Variants in ZNF418 observed in about 807,000 individuals in gnomAD.
ZNF418 encodes the protein zinc finger protein 418.
ZNF418 carries 32 observed loss-of-function variants against 32.0 expected under a neutral mutation model. The observed-to-expected ratio is 1.00, with a 90% CI of 0.75 to 1.34. The LOEUF (loss-of-function observed/expected upper bound fraction) is 1.34. ZNF418 is among the 40% of genes most tolerant of loss of function. The probability of loss-of-function intolerance (pLI) is 0.00; values close to 1 mark genes in which losing one functional copy is unlikely to be tolerated. For missense variants in ZNF418, 804 were observed against 812.5 expected (o/e 0.99, Z 0.13); for synonymous variants, 276 against 270.7 (o/e 1.02, Z -0.19).
intron 1 of ZNF418, among the ~76,000 whole-genome samples, chr19:57,934,567 A>G (rs753556730): frequency 5.9e-5 from 9 of 152,180 alleles, no homozygotes; most frequent in Admixed American, 1.3e-4. Context: ...CTGAGGGGAA[A>G]GCAGACGTTA....
Position 57,927,987 on chromosome 19 carries a change from C to T in ZNF418, c.194G>A (p.Arg65Lys). The change falls in exon 4 of 6, where the codon AGA (arginine) becomes AAA (lysine). Residue 65 changes from arginine to lysine, a missense_variant. Physicochemically the swap from Arg to Lys is conservative, Grantham distance 26. Coordinates refer to ENST00000396147, the MANE Select transcript of ZNF418 (RefSeq NM_133460.3). ...CCCAGGAGTGCTGACCTGAGACACT[C>T]TTTGTATAGAAATGCTCTTCTTAGA... ...APSKKSISIQ[R>K]VSQVSTPGAG... 4 of 1,597,654 alleles carry T rather than the reference C, an allele frequency of 2.5e-6. No individual in the cohort carries two copies. The highest frequency in any genetic ancestry group is 3.4e-6 in the Non-Finnish European group (4 of 1,169,642).
rs2072027826 is a variant in ZNF418, at chr19:57,922,365, A to G, written c.*890T>C. The G allele has an allele frequency of 1.0e-5, 4 of 390,330 alleles. No individual in the cohort carries two copies. The highest frequency in any genetic ancestry group is 1.4e-4 in the South Asian group (1 of 6,930). 24.2% of individuals were successfully genotyped at this position (390,330 alleles called of 1,614,324 possible). The stretch of plus-strand genomic sequence containing the variant: ...AATGTTAGAAAATGGGCCACACTTT[A>G]CAAATTGAGATTATGTCTCCAGTTA... On this transcript the variant is annotated 3_prime_UTR_variant, in exon 6 of 6. Coordinates refer to ENST00000396147, the MANE Select transcript of ZNF418 (RefSeq NM_133460.3).
intron 1 of ZNF418, chr19:57,934,804 A>ATCCC (rs2072627370): frequency 2.0e-5 from 6 of 293,786 alleles, no homozygotes; most frequent in Non-Finnish European, 3.1e-5. Flanking sequence ...CTTGGATCGC[A>ATCCC]TCCCTCCTTT....
At chr19:57,922,909 A>G (rs185474048) in intron 5 of ZNF418, among the ~76,000 whole-genome samples, 1 of 149,768 alleles carries the variant, frequency 6.7e-6, no homozygotes, top group Non-Finnish European at 1.5e-5. Flanking sequence ...CTGAGGTGGG[A>G]GGATGACTTG....
At chr19:57,922,689 GT>G in intron 5 of ZNF418, 60 bp from the exon 6 acceptor site, 1 of 398,104 alleles carries the variant, frequency 2.5e-6, no homozygotes, top group Non-Finnish European at 4.4e-6. Context: ...ACACCACTTT[GT>G]TAAATTGCAA....
In ZNF418 at chr19:57,928,048, C is replaced by G. The variant is rs376184892; in HGVS notation, c.134-1G>C. 20 of 1,522,738 alleles carry G rather than the reference C, an allele frequency of 1.3e-5. No homozygotes were observed. The African/African-American group carries it at 2.5e-4, about 19-fold the overall frequency. The allele number at this position is 1,522,738 out of a possible 1,614,324, so 94.3% of individuals were successfully genotyped here. A position where few individuals can be genotyped will look rare whatever the true frequency, so the allele number is the denominator to read the frequency against. On this transcript the variant is annotated splice_acceptor_variant, in intron 3 of 5. Coordinates refer to ENST00000396147, the MANE Select transcript of ZNF418 (RefSeq NM_133460.3). LOFTEE classifies it high-confidence loss of function. ...TCATCTTCTGATCCACACCAACAAC[C>G]TGAAAGCAAGAAAATGCTGATGAAT...
rs558229449 is a variant in ZNF418 at position 57,922,526 on chromosome 19, G to T, written c.*729C>A. Reference sequence around the variant, plus strand: ...CTTGAACCCAAAGAGAGAACATGCAGATCATAATCAGTTCATATTTATAAT... The same window carrying T: ...CTTGAACCCAAAGAGAGAACATGCATATCATAATCAGTTCATATTTATAAT... On this transcript the variant is annotated 3_prime_UTR_variant, in exon 6 of 6. Transcript: ENST00000396147. The T allele has an allele frequency of 2.5e-6, 1 of 398,460 alleles. No homozygotes were observed. The highest frequency in any genetic ancestry group is 1.3e-4 in the South Asian group (1 of 7,854). 24.7% of individuals were successfully genotyped at this position (398,460 alleles called of 1,614,324 possible).
chr19:57,932,594 C>G, intron 2 of ZNF418: 1 of 1,518,916 alleles, frequency 6.6e-7, no homozygotes, highest in South Asian at 1.2e-5. Flanking sequence ...TGACGACTTT[C>G]CTCTGTCCAC....
chr19:57,933,700 G>A (rs775152018), intron 2 of ZNF418, 117 bp downstream of exon 2: 31 of 1,322,788 alleles, frequency 2.3e-5, no homozygotes, highest in African/African-American at 2.9e-5. Flanking sequence ...CAGCCTGGGC[G>A]ATAGAGCGAG....
In ZNF418 at chr19:57,927,231, C is replaced by T. The variant is rs1568544776; in HGVS notation, c.950G>A (p.Gly317Glu). ...VHTGERPYEC[G>E]ECGKSFSQNG... ...TTGACTAAAAGATTTCCCACATTCT[C>T]CACACTCATAAGGTCTTTCTCCAGT... Residue 317 changes from glycine (G) to glutamate (E), a missense_variant, in exon 4 of 6, where the codon GGA becomes GAA. Gly to Glu is a moderately conservative substitution (Grantham distance 98, BLOSUM62 -2). This residue lies in a region of ZNF418 where 475 missense variants were observed against 458.6 expected (regional missense o/e 1.04). Transcript: ENST00000396147. 1 of 1,614,078 alleles carries T rather than the reference C, an allele frequency of 6.2e-7. No individual in the cohort carries two copies. The highest frequency in any genetic ancestry group is 1.1e-5 in the South Asian group (1 of 91,070).
At chr19:57,933,699 C>G (rs2072572018) in intron 2 of ZNF418, 118 bp downstream of exon 2, 3 of 1,317,176 alleles carry the variant, frequency 2.3e-6, no homozygotes. Context: ...CCAGCCTGGG[C>G]GATAGAGCGA....
At chr19:57,934,761 C>A in intron 1 of ZNF418, 1 of 254,260 alleles carries the variant, frequency 3.9e-6, no homozygotes, top group Non-Finnish European at 7.4e-6. Flanking sequence ...CTATGTTCTT[C>A]CTTTGGCCTT....
intron 2 of ZNF418, 104 bp downstream of exon 2, chr19:57,933,713 T>C: frequency 6.9e-7 from 1 of 1,446,776 alleles, no homozygotes; most frequent in Non-Finnish European, 9.7e-7. Context: ...AGAGCGAGAC[T>C]CCCGCTCAAA....
At position 57,927,838 on chromosome 19, in the gene ZNF418, A is replaced by G. The variant is rs780424443; in HGVS notation, c.343T>C (p.Trp115Arg). The change falls in exon 4 of 6, where the codon TGG (tryptophan) becomes CGG (arginine). Residue 115 changes from tryptophan (W) to arginine (R), a missense_variant. Around this residue, in one of 3 missense-constraint regions of ZNF418, gnomAD observed 307 missense variants for 304.9 expected, o/e 1.01. Transcript: ENST00000396147. ...HKQKLHRCEAWGNKLYDSSNR... is the reference protein window; with the variant it reads ...HKQKLHRCEARGNKLYDSSNR... ...GAACTATCATACAATTTATTCCCCC[A>G]TGCCTCACACCTGTGCAGTTTCTGC... 1 of 1,613,876 alleles carries G rather than the reference A, an allele frequency of 6.2e-7. No homozygotes were observed. The highest frequency in any genetic ancestry group is 8.5e-7 in the Non-Finnish European group (1 of 1,179,906).
intron 1 of ZNF418, chr19:57,934,951 G>T: frequency 1.5e-6 from 2 of 1,327,474 alleles, no homozygotes; most frequent in Non-Finnish European, 2.0e-6. Context: ...TCCCGGGTCT[G>T]TCCTCCAGGC....
Position 57,934,177 on chromosome 19 carries a change from G to T in ZNF418, c.-80-275C>A. ...GGACATCACAAGCTAGAGAACATGT[G>T]AATGGGGAATAAGGCCAGTGAGGGA... is the stretch of plus-strand genomic sequence containing the variant. On this transcript the variant is annotated intron_variant, in intron 1 of 5. Transcript: ENST00000396147. 4 of 1,193,474 alleles carry T rather than the reference G, an allele frequency of 3.4e-6. No homozygotes were observed. In the South Asian group the frequency reaches 7.6e-5, roughly 23 times the overall value. The allele number at this position is 1,193,474 out of a possible 1,614,324, so 73.9% of individuals were successfully genotyped here.
At chr19:57,934,063 T>A in intron 1 of ZNF418, 161 bp from the exon 2 acceptor site, 1 of 1,437,156 alleles carries the variant, frequency 7.0e-7, no homozygotes. Flanking sequence ...CCTCCATACA[T>A]CCTGTGTCAT....
chr19:57,929,539 A>C (rs1269168811), intron 3 of ZNF418, among the ~76,000 whole-genome samples: 1 of 152,196 alleles, frequency 6.6e-6, no homozygotes, highest in Non-Finnish European at 1.5e-5. Flanking sequence ...CACCTGATTA[A>C]ATTGAAATGC....
At position 57,926,598 on chromosome 19, in the gene ZNF418, T is replaced by C. The variant is rs1036675571; in HGVS notation, c.1583A>G (p.His528Arg). 8 of 1,614,048 alleles carry C rather than the reference T, an allele frequency of 5.0e-6. No homozygotes were observed. The African/African-American group carries it at 9.3e-5, about 19-fold the overall frequency. ...SFPQSCSLLR[H>R]RRVHTGERPY... The stretch of plus-strand genomic sequence containing the variant: ...CCTTTCTCCAGTATGAACTCTCCGA[T>C]GTCGAAGGAGGGAACAGCTTTGAGG... Residue 528 changes from histidine (H) to arginine (R), a missense_variant, in exon 4 of 6, where the codon CAT (histidine) becomes CGT (arginine). This residue lies in a region of ZNF418 where 475 missense variants were observed against 458.6 expected (regional missense o/e 1.04). Transcript: ENST00000396147.
Sources: gnomAD v4.1 joint callset for allele counts (sites outside exome capture counted in the v4.1 genomes callset) on GRCh38, gnomAD v4.1.1 for gene constraint, gnomAD v4.1.1 regional missense constraint, MANE v1.5 for transcripts, NCBI Gene and HGNC (gene_info 2026-07-23, HGNC 2026-07-21) for gene names.